The following DIXDC1 variants were observed in gnomAD, a reference collection of about 807,000 sequenced individuals.
DIXDC1 encodes DIX domain containing 1.
In DIXDC1, 64 loss-of-function variants were observed where a neutral mutation model predicts 103.1. The ratio of observed to expected loss-of-function variants is 0.62; its 90% CI spans 0.51 to 0.76. The LOEUF (loss-of-function observed/expected upper bound fraction) is 0.76, where lower values mean the gene tolerates loss of function less well. DIXDC1 is among the 30% of genes least tolerant of loss of function. The pLI, the probability that DIXDC1 is intolerant of heterozygous loss-of-function variation, is 0.00. For synonymous variants in DIXDC1, 266 were observed against 298.5 expected, an observed-to-expected ratio of 0.89 and a Z score of 1.12; for missense variants, 759 against 834.2, an observed-to-expected ratio of 0.91 and a Z score of 1.11.
chr11:111,929,792 T>A, intron 1 of DIXDC1: 1 of 1,423,732 alleles, frequency 7.0e-7, no homozygotes, highest in South Asian at 1.3e-5. Context: ...TGTTATTTTG[T>A]ACATTTCTTA....
At chr11:111,973,438 A>G (rs972491821) in intron 3 of DIXDC1, among the ~76,000 whole-genome samples, 2 of 152,146 alleles carry the variant, frequency 1.3e-5, no homozygotes, top group Non-Finnish European at 1.5e-5. Flanking sequence ...CCAAAATACC[A>G]TTTCATGCAA....
chr11:111,979,623 TC>T (rs1202642406), intron 5 of DIXDC1, among the ~76,000 whole-genome samples: 1 of 152,162 alleles, frequency 6.6e-6, no homozygotes, highest in African/African-American at 2.4e-5. Context: ...AAATTCCACT[TC>T]CCTGAAAAAT....
At chr11:111,931,323 A>C (rs781877589) in intron 2 of DIXDC1, among the ~76,000 whole-genome samples, 9 of 151,866 alleles carry the variant, frequency 5.9e-5, no homozygotes, top group Non-Finnish European at 8.8e-5. Flanking sequence ...TGGGCAATAG[A>C]GTGAGACACT....
intron 17 of DIXDC1, among the ~76,000 whole-genome samples, chr11:112,006,916 A>G (rs781963413): frequency 3.2e-4 from 48 of 152,356 alleles, no homozygotes; most frequent in Non-Finnish European, 2.4e-4. Flanking sequence ...AAAGGATCGC[A>G]GCTCCTCACC....
chr11:112,002,280 T>C (rs1425024148), intron 17 of DIXDC1, among the ~76,000 whole-genome samples: 3 of 149,328 alleles, frequency 2.0e-5, no homozygotes, highest in Non-Finnish European at 1.5e-5. Context: ...AAAAGGATGC[T>C]AGCAAGGATG....
chr11:111,977,819 G>A lies in DIXDC1; in HGVS notation c.656+2836G>A. The A allele has an allele frequency of 1.3e-6, 2 of 1,548,752 alleles. No individual in the cohort carries two copies. The highest frequency in any genetic ancestry group is 1.2e-5 in the South Asian group (1 of 83,834). The stretch of plus-strand genomic sequence containing the variant: ...GGTGAGCTGAAGCCACTCTGGCTTT[G>A]GAAGTGGGGGGCCTGGGTGGGAACA... On this transcript the variant is annotated intron_variant, in intron 5 of 19. Coordinates refer to ENST00000440460, the MANE Select transcript of DIXDC1 (RefSeq NM_001037954.4). The surrounding 1 kb of genome is among the most constrained non-coding windows in gnomAD (Gnocchi z 6.1).
intron 1 of DIXDC1, among the ~76,000 whole-genome samples, chr11:111,937,785 G>A (rs966661795): frequency 6.6e-6 from 1 of 152,214 alleles, no homozygotes; most frequent in Admixed American, 6.5e-5. Context: ...TTCCCTGGTA[G>A]CTTACCTGAG....
chr11:111,994,853 GA>G (rs797026563), intron 14 of DIXDC1, among the ~76,000 whole-genome samples, 165 bp from the exon 15 acceptor site: 2 of 151,216 alleles, frequency 1.3e-5, no homozygotes, highest in Non-Finnish European at 2.9e-5. Context: ...ACCAAAAGGG[GA>G]AAAAAAATCT....
At chr11:111,984,793 A>G (rs1384572650) in intron 7 of DIXDC1, among the ~76,000 whole-genome samples, 1 of 152,146 alleles carries the variant, frequency 6.6e-6, no homozygotes, top group Non-Finnish European at 1.5e-5. Flanking sequence ...AAACAAAGAA[A>G]AATCAAACAA....
rs1305053504 is a variant in DIXDC1, at chr11:111,937,453, C to T, written c.-47C>T. 9 of 1,551,556 alleles carry T rather than the reference C, an allele frequency of 5.8e-6. No homozygotes were observed. In the African/African-American group the frequency reaches 9.6e-5, roughly 17 times the overall value. ...CAGAGGGAGGAGGAGGAGGCGGCGG[C>T]GGCCGCCGGGCTGGAGACCCCGCCC... On this transcript the variant is annotated 5_prime_UTR_variant, in exon 1 of 20. Transcript: ENST00000440460.
intron 10 of DIXDC1, 123 bp from the exon 11 acceptor site, chr11:111,992,292 C>T (rs1389417326): frequency 1.2e-6 from 1 of 842,170 alleles, no homozygotes; most frequent in Non-Finnish European, 1.8e-6. Flanking sequence ...ACCCTTTACC[C>T]CATTTGTCTT....
In DIXDC1 at chr11:111,977,204, C is replaced by G; in HGVS notation, c.656+2221C>G. On this transcript the variant is annotated intron_variant, in intron 5 of 19. Coordinates refer to ENST00000440460, the MANE Select transcript of DIXDC1 (RefSeq NM_001037954.4). The surrounding 1 kb of genome is among the most constrained non-coding windows in gnomAD (Gnocchi z 6.1). ...GCCCCTGGCCCGCACCCTCAACCTC[C>G]GTCCAGAGCGGTCGGTTGGCCAGCG... 3.1e-6 allele frequency: 3 copies of G among 975,046 alleles called. No homozygotes were observed. Among genetic ancestry groups the G allele is most frequent in the Non-Finnish European group, 3.7e-6 (3 of 819,730 alleles). The allele number at this position is 975,046 out of a possible 1,614,324, so 60.4% of individuals were successfully genotyped here.
At chr11:112,011,740 G>A (rs1555177223) in intron 17 of DIXDC1, among the ~76,000 whole-genome samples, 1 of 152,048 alleles carries the variant, frequency 6.6e-6, no homozygotes, top group Non-Finnish European at 1.5e-5. Context: ...ACTCATAGGT[G>A]GGAATTGAAC....
In DIXDC1 at chr11:112,017,720, T is replaced by G. The variant is rs1861636617; in HGVS notation, c.1863-57T>G. On this transcript the variant is annotated intron_variant, in intron 18 of 19. Coordinates refer to ENST00000440460, the MANE Select transcript of DIXDC1 (RefSeq NM_001037954.4). The surrounding 1 kb of genome is among the most constrained non-coding windows in gnomAD (Gnocchi z 4.0). ...GGGGGCTGTGTTTAAAGTTAACATC[T>G]TATCTTTCCAGCTATTGATCAACAG... 1 of 1,447,308 alleles carries G rather than the reference T, an allele frequency of 6.9e-7. No homozygotes were observed. The highest frequency in any genetic ancestry group is 9.5e-7 in the Non-Finnish European group (1 of 1,051,702). 89.7% of individuals were successfully genotyped at this position (1,447,308 alleles called of 1,614,324 possible).
At chr11:111,971,002 G>T (rs1183378155) in intron 3 of DIXDC1, among the ~76,000 whole-genome samples, 6 of 152,046 alleles carry the variant, frequency 3.9e-5, no homozygotes, top group Non-Finnish European at 5.9e-5. Flanking sequence ...TTAAATATAA[G>T]ACCTTGAACT....
chr11:111,940,867 C>CAGAG (rs1966394914), intron 1 of DIXDC1, among the ~76,000 whole-genome samples: 1 of 152,184 alleles, frequency 6.6e-6, no homozygotes, highest in Non-Finnish European at 1.5e-5. Context: ...CTCTGAATTA[C>CAGAG]TGTGTTTGCC....
upstream of DIXDC1, among the ~76,000 whole-genome samples, chr11:111,933,604 A>AT (rs1166431622): frequency 8.3e-6 from 1 of 120,600 alleles, no homozygotes; most frequent in South Asian, 2.6e-4. Flanking sequence ...TAATTTTTGT[A>AT]TTTTTTTGTA....
chr11:111,939,341 A>G (rs901837479), intron 1 of DIXDC1, among the ~76,000 whole-genome samples: 1 of 152,256 alleles, frequency 6.6e-6, no homozygotes, highest in African/African-American at 2.4e-5. Flanking sequence ...CTTGAAAAAC[A>G]TAAGGGCATA....
intron 17 of DIXDC1, 81 bp downstream of exon 17, chr11:111,996,227 A>T: frequency 7.7e-7 from 1 of 1,304,818 alleles, no homozygotes; most frequent in South Asian, 1.4e-5. Context: ...CATTTTGGGG[A>T]TGTAATTTTT....
Sources: gnomAD v4.1 joint callset for allele counts (sites outside exome capture counted in the v4.1 genomes callset) on GRCh38, gnomAD v4.1.1 for gene constraint, Gnocchi (gnomAD v3.1) non-coding constraint, MANE v1.5 for transcripts, NCBI Gene and HGNC (gene_info 2026-07-23, HGNC 2026-07-21) for gene names.